The following SERPINE2 variants were observed in gnomAD, a reference collection of about 807,000 sequenced individuals.
SERPINE2 encodes the protein glia-derived nexin.
A neutral mutation model predicts 36.3 loss-of-function variants in SERPINE2; 14 were observed. The ratio of observed to expected loss-of-function variants is 0.39; its 90% confidence interval spans 0.25 to 0.60. The LOEUF is 0.60. Among genes scored for constraint, SERPINE2 ranks in the 20% least tolerant of loss-of-function variants. The pLI, the probability that SERPINE2 is intolerant of heterozygous loss-of-function variation, is 0.57. For missense variants in SERPINE2, 418 were observed against 499.6 expected, an observed-to-expected ratio of 0.84 and a Z score of 1.56; for synonymous variants, 192 against 191.8, an observed-to-expected ratio of 1.00 and a Z score of -0.01.
chr2:223,995,365 A>C (rs1690840779), intron 3 of SERPINE2, among the ~76,000 whole-genome samples: 2 of 152,224 alleles, frequency 1.3e-5, no homozygotes, highest in Non-Finnish European at 1.5e-5. Context: ...CAGTGGGGGC[A>C]GTTCACCCCC....
At chr2:224,031,589 A>C (rs1347135026) in intron 1 of SERPINE2, 5 of 736,690 alleles carry the variant, frequency 6.8e-6, no homozygotes, top group Non-Finnish European at 8.3e-6. Flanking sequence ...CAATCACAGG[A>C]CCTCACTCCT....
chr2:223,977,788 C>T (rs1690068104), intron 7 of SERPINE2, 161 bp from the exon 8 acceptor site: 2 of 590,054 alleles, frequency 3.4e-6, no homozygotes, highest in South Asian at 1.9e-5. Flanking sequence ...GCTCAATGGT[C>T]ACCATTTACT....
At chr2:224,031,138 C>T in intron 1 of SERPINE2, 1 of 985,358 alleles carries the variant, frequency 1.0e-6, no homozygotes, top group Non-Finnish European at 1.2e-6. Context: ...TTTGAATATC[C>T]ATGGTATCAG....
chr2:224,016,273 G>A (rs2106185682), intron 1 of SERPINE2, among the ~76,000 whole-genome samples: 1 of 152,330 alleles, frequency 6.6e-6, no homozygotes, highest in East Asian at 1.9e-4. Flanking sequence ...GCCGAGACAG[G>A]CGGATCACCT....
At chr2:223,991,326 C>T (rs1049987566) in intron 4 of SERPINE2, among the ~76,000 whole-genome samples, 3 of 152,188 alleles carry the variant, frequency 2.0e-5, no homozygotes, top group Admixed American at 6.5e-5. Flanking sequence ...ACCACAGATC[C>T]CTGCCACGAA....
chr2:223,981,793 T>C (rs923585562), intron 6 of SERPINE2: 2 of 152,246 alleles, frequency 1.3e-5, no homozygotes, highest in African/African-American at 2.4e-5. Flanking sequence ...AAGCATGCCT[T>C]AATTGCTTTG....
chr2:224,016,125 C>T (rs775813636), intron 1 of SERPINE2, among the ~76,000 whole-genome samples: 3 of 152,256 alleles, frequency 2.0e-5, no homozygotes, highest in Middle Eastern at 3.4e-3. Flanking sequence ...GTGACAACAC[C>T]AATTGCTGGT....
At chr2:224,028,757 C>T (rs941843434) in intron 1 of SERPINE2, among the ~76,000 whole-genome samples, 3 of 152,170 alleles carry the variant, frequency 2.0e-5, no homozygotes, top group Non-Finnish European at 4.4e-5. Flanking sequence ...TTCCACTTCC[C>T]TCTCCCCTTG....
rs994131540 is a variant in SERPINE2 at position 224,039,280 on chromosome 2, A to C, written c.-204T>G. 1.2e-4 allele frequency: 18 copies of C among 150,248 alleles called. No individual in the cohort carries two copies. The highest frequency in any genetic ancestry group is 4.1e-4 in the African/African-American group (17 of 41,184). The allele number at this position is 150,248 out of a possible 1,614,324, so 9.3% of individuals were successfully genotyped here. A position where few individuals can be genotyped will look rare whatever the true frequency, so the allele number is the denominator to read the frequency against. ...GACGCCGCGCAGCCCGGGCAGCCCC[A>C]CAGCGCAAGCTGGCTGCCGCGGCGG... On this transcript the variant is annotated 5_prime_UTR_variant, in exon 1 of 9. Coordinates refer to ENST00000409304, the MANE Select transcript of SERPINE2 (RefSeq NM_001136528.2). This position sits in a 1 kb window ranked among gnomAD's most constrained non-coding sequence, Gnocchi z 5.2.
intron 1 of SERPINE2, chr2:224,030,923 G>A (rs990340727): frequency 1.0e-6 from 1 of 979,064 alleles, no homozygotes. Context: ...AAAAACAAGT[G>A]TCTGAGGAAG....
chr2:223,987,080 G>C (rs1690464580), intron 4 of SERPINE2, among the ~76,000 whole-genome samples: 1 of 152,076 alleles, frequency 6.6e-6, no homozygotes, highest in Non-Finnish European at 1.5e-5. Context: ...TCCTGCACTT[G>C]TAGCACACTA....
At chr2:224,000,588 AC>A (rs1691076707) in intron 2 of SERPINE2, among the ~76,000 whole-genome samples, 1 of 152,108 alleles carries the variant, frequency 6.6e-6, no homozygotes, top group Non-Finnish European at 1.5e-5. Context: ...TTACATAGGT[AC>A]ACATGTGTCG....
chr2:223,990,091 G>C (rs867817361), intron 4 of SERPINE2, among the ~76,000 whole-genome samples: 4 of 152,088 alleles, frequency 2.6e-5, no homozygotes, highest in Non-Finnish European at 4.4e-5. Context: ...ACTCTGTAAG[G>C]GGGGGCTTGG....
rs746176410 is a variant in SERPINE2, at chr2:223,998,155, G to A, written c.447C>T (p.Ala149=). 10 of 1,614,072 alleles carry A rather than the reference G, an allele frequency of 6.2e-6. No homozygotes were observed. In the South Asian group the frequency reaches 1.1e-4, roughly 18 times the overall value. Residue 149 remains alanine (A), a synonymous_variant, in exon 3 of 9, where the codon GCC becomes GCT. Coordinates refer to ENST00000409304, the MANE Select transcript of SERPINE2 (RefSeq NM_001136528.2). The part of the protein sequence containing the change: ...RNVNFEDPAS[A]CDSINAWVKN... The stretch of plus-strand genomic sequence containing the variant: ...TAACCCATGCATTGATGGAATCACA[G>A]GCAGAGGCTGGATCCTCAAAGTTCA...
At chr2:223,979,565 A>C (rs1335885050) in intron 7 of SERPINE2, 2 of 152,168 alleles carry the variant, frequency 1.3e-5, no homozygotes, top group Non-Finnish European at 2.9e-5. Flanking sequence ...AAATCTATTC[A>C]TCTATTTTCC....
chr2:223,992,212 A>G (rs1174652203), intron 3 of SERPINE2, among the ~76,000 whole-genome samples: 1 of 152,150 alleles, frequency 6.6e-6, no homozygotes, highest in African/African-American at 2.4e-5. Context: ...AGAAACAGAA[A>G]AGACTTTAGA....
intron 1 of SERPINE2, among the ~76,000 whole-genome samples, chr2:224,028,352 A>G (rs964388543): frequency 2.6e-5 from 4 of 152,224 alleles, no homozygotes; most frequent in Admixed American, 2.0e-4. Context: ...GAAATAAAGC[A>G]CAGAGAGGGA....
chr2:223,990,942 T>TAC (rs1283175888), intron 4 of SERPINE2, among the ~76,000 whole-genome samples: 1 of 152,206 alleles, frequency 6.6e-6, no homozygotes, highest in African/African-American at 2.4e-5. Context: ...TGTGCCACTG[T>TAC]AGTCTAGCCT....
At chr2:223,998,805 A>T (rs910545275) in intron 2 of SERPINE2, among the ~76,000 whole-genome samples, 9 of 152,204 alleles carry the variant, frequency 5.9e-5, no homozygotes, top group Non-Finnish European at 1.0e-4. Flanking sequence ...ATTTCTTAAG[A>T]AAAGGAGGGA....
Sources: allele counts gnomAD v4.1 joint callset (sites outside exome capture counted in the v4.1 genomes callset), GRCh38; gene constraint gnomAD v4.1.1; non-coding constraint Gnocchi (gnomAD v3.1); transcripts MANE v1.5; gene names NCBI Gene and HGNC (gene_info 2026-07-23, HGNC 2026-07-21).